COL5A1: variants seen among roughly 807,000 people sequenced by gnomAD.
The protein encoded by COL5A1 is collagen alpha-1(V) chain.
COL5A1 carries 16 observed loss-of-function variants against 263.7 expected under a neutral mutation model. The ratio of observed to expected loss-of-function variants is 0.06; its 90% CI spans 0.04 to 0.09. The LOEUF (loss-of-function observed/expected upper bound fraction) is 0.09. Among genes scored for constraint, COL5A1 ranks in the 10% least tolerant of loss-of-function variants. The probability of loss-of-function intolerance (pLI) is 1.00; values close to 1 mark genes in which losing one functional copy is unlikely to be tolerated. For synonymous variants in COL5A1, 1,012 were observed against 1,004.5 expected (o/e 1.01, Z -0.14); for missense variants, 2,036 against 2,540.5 (o/e 0.80, Z 4.27).
chr9:134,708,702 T>A (rs1281443394), intron 4 of COL5A1: 3 of 515,968 alleles, frequency 5.8e-6, no homozygotes, highest in Non-Finnish European at 1.2e-5. Flanking sequence ...CTCTTGCCCC[T>A]GGAAGGGACA....
chr9:134,693,951 A>AGC (rs1296966050), intron 2 of COL5A1, among the ~76,000 whole-genome samples: 1 of 152,170 alleles, frequency 6.6e-6, no homozygotes, highest in Non-Finnish European at 1.5e-5. Flanking sequence ...CTCGGGGAGC[A>AGC]GCAGCATCTG....
intron 22 of COL5A1, 146 bp downstream of exon 22, chr9:134,766,644 C>T: frequency 2.5e-6 from 2 of 804,192 alleles, no homozygotes; most frequent in South Asian, 1.7e-5. Flanking sequence ...GCCCACCCTC[C>T]AGTGGTGAGT....
chr9:134,794,403 C>T lies in COL5A1; in HGVS notation c.2701-679C>T, dbSNP rs2132800447. 6.6e-6 allele frequency among the ~76,000 whole-genome samples: 1 copy of T among 152,156 alleles called. No homozygotes were observed. Among genetic ancestry groups the T allele is most frequent in the Non-Finnish European group, 1.5e-5 (1 of 68,014 alleles). On this transcript the variant is annotated intron_variant, in intron 32 of 65. Transcript: ENST00000371817. The surrounding 1 kb of genome is among the most constrained non-coding windows in gnomAD (Gnocchi z 4.3). ...GGGACACGGTGGGGGATGTAGGGGCCCCTGCGTGTTCAGCCCGTGGCTTCC... is the reference window on the plus strand; with the variant it reads ...GGGACACGGTGGGGGATGTAGGGGCTCCTGCGTGTTCAGCCCGTGGCTTCC...
intron 4 of COL5A1, among the ~76,000 whole-genome samples, chr9:134,719,255 G>A (rs34656046): frequency 0.15 from 22,628 of 152,246 alleles, 1,987 homozygotes; most frequent in East Asian, 0.39. Flanking sequence ...GTGTGTGCAT[G>A]CACCCATGTC....
chr9:134,698,164 G>A (rs775947927), intron 2 of COL5A1, among the ~76,000 whole-genome samples: 1 of 152,234 alleles, frequency 6.6e-6, no homozygotes, highest in Non-Finnish European at 1.5e-5. Context: ...CAGTTCCTCC[G>A]TGAAACCTGC....
At chr9:134,651,447 C>T (rs558017999) in intron 1 of COL5A1, among the ~76,000 whole-genome samples, 181 of 152,212 alleles carry the variant, frequency 1.2e-3, no homozygotes, top group Non-Finnish European at 2.2e-3. Flanking sequence ...GCTGAGGCTG[C>T]AGTGAGCTGT....
intron 29 of COL5A1, among the ~76,000 whole-genome samples, chr9:134,783,380 C>T (rs768104931): frequency 2.0e-4 from 30 of 152,168 alleles, no homozygotes; most frequent in Admixed American, 1.1e-3. Context: ...CAGAAAGTGA[C>T]GGGCTGCACG....
chr9:134,800,661 C>G (rs575575053), intron 37 of COL5A1, among the ~76,000 whole-genome samples: 20 of 145,508 alleles, frequency 1.4e-4, no homozygotes, highest in African/African-American at 4.9e-4. Flanking sequence ...AGGAGAATCG[C>G]TTGAATCCGG....
chr9:134,704,607 G>T (rs9409988), intron 4 of COL5A1, among the ~76,000 whole-genome samples: 76,975 of 151,922 alleles, frequency 0.51, 20,162 homozygotes, highest in Admixed American at 0.67. Context: ...TTCGATTTGA[G>T]CCAGAGTGGC....
At chr9:134,751,037 CGTCCAGTCCTCAGT>C (rs1359466377) in intron 13 of COL5A1, among the ~76,000 whole-genome samples, 155 bp downstream of exon 13, 1 of 152,082 alleles carries the variant, frequency 6.6e-6, no homozygotes, top group African/African-American at 2.4e-5. Flanking sequence ...GCTGTGGGAG[CGTCCAGTCCTCAGT>C]GTCCAGTAGG....
chr9:134,659,587 A>C (rs1036544881), intron 1 of COL5A1, among the ~76,000 whole-genome samples: 2 of 152,122 alleles, frequency 1.3e-5, no homozygotes, highest in Non-Finnish European at 2.9e-5. Flanking sequence ...GTAGGCACTG[A>C]GAGAGAGGAG....
intron 22 of COL5A1, among the ~76,000 whole-genome samples, chr9:134,766,785 C>T (rs571274750): frequency 1.3e-5 from 2 of 152,286 alleles, no homozygotes; most frequent in African/African-American, 2.4e-5. Flanking sequence ...CGAGTTAGTG[C>T]TCACTCCATC....
In COL5A1 at chr9:134,741,493, G is replaced by A. The variant is rs912189464; in HGVS notation, c.1494+2685G>A. Among the ~76,000 whole-genome samples the A allele has an allele frequency of 1.3e-5, 2 of 152,114 alleles. No homozygotes were observed. The highest frequency in any genetic ancestry group is 2.4e-5 in the African/African-American group (1 of 41,404). ...GTGACTAGGAACTCCATGGAGGAACGAATGGAAGATTAAGGTTATCTTGGC... is the reference window on the plus strand; with the variant it reads ...GTGACTAGGAACTCCATGGAGGAACAAATGGAAGATTAAGGTTATCTTGGC... On this transcript the variant is annotated intron_variant, in intron 11 of 65. Transcript: ENST00000371817. The surrounding 1 kb of genome is among the most constrained non-coding windows in gnomAD (Gnocchi z 4.5).
In COL5A1 at chr9:134,741,685, C is replaced by T. The variant is rs1029113493; in HGVS notation, c.1494+2877C>T. On this transcript the variant is annotated intron_variant, in intron 11 of 65. Coordinates refer to ENST00000371817, the MANE Select transcript of COL5A1 (RefSeq NM_000093.5). The surrounding 1 kb of genome is among the most constrained non-coding windows in gnomAD (Gnocchi z 4.5). ...GAGGTAAGAGAACTCTTCTTGCGTC[C>T]GTCGATTCTTACTTGGCTTCAGCAG... Among the ~76,000 whole-genome samples, 2 of 152,082 alleles carry T rather than the reference C, an allele frequency of 1.3e-5. No individual in the cohort carries two copies. The highest frequency in any genetic ancestry group is 2.4e-5 in the African/African-American group (1 of 41,400).
At chr9:134,697,284 G>A (rs564703733) in intron 2 of COL5A1, among the ~76,000 whole-genome samples, 14 of 152,266 alleles carry the variant, frequency 9.2e-5, no homozygotes, top group Middle Eastern at 3.4e-3. Flanking sequence ...TATTTTGCCA[G>A]GAGAGAGATT....
chr9:134,839,286 C>T (rs1564190282), intron 65 of COL5A1, among the ~76,000 whole-genome samples: 1 of 152,200 alleles, frequency 6.6e-6, no homozygotes, highest in Non-Finnish European at 1.5e-5. Flanking sequence ...CCGTTCTGGC[C>T]TGTAATGGTT....
At chr9:134,736,955 G>T (rs1835123224) in intron 9 of COL5A1, among the ~76,000 whole-genome samples, 2 of 152,252 alleles carry the variant, frequency 1.3e-5, no homozygotes, top group East Asian at 3.8e-4. Context: ...GAGGGAGGCG[G>T]CCCCAGGGCC....
At chr9:134,727,080 G>GACGGATGGATGA (rs1834691145) in intron 4 of COL5A1, among the ~76,000 whole-genome samples, 186 bp from the exon 5 acceptor site, 3 of 151,160 alleles carry the variant, frequency 2.0e-5, no homozygotes, top group Admixed American at 1.3e-4. Context: ...TGGATGGATG[G>GACGGATGGATGA]GCCAGCCTAG....
intron 13 of COL5A1, among the ~76,000 whole-genome samples, chr9:134,752,367 A>AAGGGAGGAAACGGGGG (rs1835812670): frequency 7.0e-6 from 1 of 143,286 alleles, no homozygotes; most frequent in African/African-American, 2.7e-5. Flanking sequence ...ACTGGCTTGC[A>AAGGGAGGAAACGGGGG]CCTCTGCATG....
Sources: gnomAD v4.1 joint callset for allele counts (sites outside exome capture counted in the v4.1 genomes callset) on GRCh38, gnomAD v4.1.1 for gene constraint, Gnocchi (gnomAD v3.1) non-coding constraint, MANE v1.5 for transcripts, NCBI Gene and HGNC (gene_info 2026-07-23, HGNC 2026-07-21) for gene names.